Variants in MAGI1 observed in about 807,000 individuals in gnomAD.
MAGI1 encodes membrane-associated guanylate kinase, WW and PDZ domain-containing protein 1.
In MAGI1, 58 loss-of-function variants were observed where a neutral mutation model predicts 139.9. The observed-to-expected ratio is 0.41, with a 90% CI of 0.34 to 0.52. MAGI1 has a LOEUF of 0.52. Among genes scored for constraint, MAGI1 ranks in the 20% least tolerant of loss-of-function variants. The pLI is 0.12. For synonymous variants in MAGI1, 812 were observed against 737.9 expected, an observed-to-expected ratio of 1.10 and a Z score of -1.63; for missense variants, 1,874 against 1,901.6, an observed-to-expected ratio of 0.99 and a Z score of 0.27.
chr3:65,922,138 C>A (rs1177788554), intron 1 of MAGI1, among the ~76,000 whole-genome samples: 1 of 152,042 alleles, frequency 6.6e-6, no homozygotes, highest in East Asian at 1.9e-4. Context: ...TTCCCTTTTA[C>A]AGAAACAGAG....
At chr3:65,544,876 T>C (rs2079423487) in intron 2 of MAGI1, among the ~76,000 whole-genome samples, 2 of 152,198 alleles carry the variant, frequency 1.3e-5, no homozygotes, top group South Asian at 2.1e-4. Context: ...TGGGGTTATT[T>C]TGTAGATTAA....
chr3:65,932,216 C>T (rs2062836242), intron 1 of MAGI1, among the ~76,000 whole-genome samples: 1 of 152,090 alleles, frequency 6.6e-6, no homozygotes, highest in African/African-American at 2.4e-5. Context: ...CTCTCCCAAC[C>T]AACATAAAAT....
chr3:65,481,248 T>C (rs1400809900), intron 3 of MAGI1, among the ~76,000 whole-genome samples: 2 of 152,162 alleles, frequency 1.3e-5, no homozygotes, highest in African/African-American at 2.4e-5. Context: ...ATTCCACATG[T>C]GTCTTTAGGG....
chr3:65,442,414 G>A lies in MAGI1; in HGVS notation c.1136+378C>T, dbSNP rs534867053. ...TCAGATCTGGGTAGAGCAAAAAGTAGACGAATCAGATACTCCTTGTAAAGA... is the reference window on the plus strand; with the variant it reads ...TCAGATCTGGGTAGAGCAAAAAGTAAACGAATCAGATACTCCTTGTAAAGA... On this transcript the variant is annotated intron_variant, in intron 8 of 22. Transcript: ENST00000402939. Among the ~76,000 whole-genome samples, 10 of 152,202 alleles carry A rather than the reference G, an allele frequency of 6.6e-5. No homozygotes were observed. In the South Asian group the frequency reaches 2.1e-3, roughly 32 times the overall value.
chr3:65,796,320 G>A (rs1173082566), intron 1 of MAGI1, among the ~76,000 whole-genome samples: 2 of 152,174 alleles, frequency 1.3e-5, no homozygotes, highest in Non-Finnish European at 2.9e-5. Flanking sequence ...AGGGTAATCT[G>A]CTTTGCTCTG....
intron 2 of MAGI1, among the ~76,000 whole-genome samples, chr3:65,495,931 A>C (rs1468743482): frequency 6.6e-6 from 1 of 152,216 alleles, no homozygotes; most frequent in East Asian, 1.9e-4. Flanking sequence ...AAACGAAAGC[A>C]AGCGGCAAGA....
At chr3:65,931,843 T>C (rs2106736869) in intron 1 of MAGI1, among the ~76,000 whole-genome samples, 1 of 150,380 alleles carries the variant, frequency 6.6e-6, no homozygotes, top group African/African-American at 2.5e-5. Flanking sequence ...TGAAAATCAC[T>C]ACCTATATTT....
intron 22 of MAGI1, among the ~76,000 whole-genome samples, chr3:65,357,837 T>C (rs532006744): frequency 6.6e-6 from 1 of 152,240 alleles, no homozygotes; most frequent in South Asian, 2.1e-4. Context: ...GACTGGCAAA[T>C]GGGATATGTA....
chr3:65,502,535 T>C (rs758602152), intron 2 of MAGI1, among the ~76,000 whole-genome samples: 5 of 152,290 alleles, frequency 3.3e-5, no homozygotes, highest in South Asian at 2.1e-4. Context: ...AGTGGGAGGA[T>C]TGCTTGAACC....
At chr3:65,771,314 C>CAA (rs59932981) in intron 1 of MAGI1, among the ~76,000 whole-genome samples, 13 of 141,236 alleles carry the variant, frequency 9.2e-5, no homozygotes, top group African/African-American at 3.4e-4. Flanking sequence ...CTCAATGTCT[C>CAA]AAAAAAAAAA....
At chr3:66,012,039 C>T (rs1475640830) in intron 1 of MAGI1, among the ~76,000 whole-genome samples, 1 of 152,056 alleles carries the variant, frequency 6.6e-6, no homozygotes, top group Non-Finnish European at 1.5e-5. Context: ...CCCTACATCA[C>T]ACAACCTTGT....
intron 1 of MAGI1, among the ~76,000 whole-genome samples, chr3:65,861,837 G>C (rs2059566365): frequency 6.6e-6 from 1 of 152,146 alleles, no homozygotes; most frequent in African/African-American, 2.4e-5. Context: ...AACCAACACA[G>C]AGCAGCCAAC....
intron 8 of MAGI1, among the ~76,000 whole-genome samples, chr3:65,440,328 T>C (rs6808339): frequency 0.68 from 103,506 of 151,646 alleles, 35,913 homozygotes; most frequent in East Asian, 0.95. Context: ...AGTTAAATAC[T>C]TCATCTAGCA....
intron 1 of MAGI1, among the ~76,000 whole-genome samples, chr3:65,790,714 C>A (rs2108065248): frequency 6.6e-6 from 1 of 152,330 alleles, no homozygotes; most frequent in Non-Finnish European, 1.5e-5. Context: ...TTTCAGCTAA[C>A]AACCTCAGCC....
chr3:65,664,390 T>C (rs533596330), intron 1 of MAGI1, among the ~76,000 whole-genome samples: 2 of 152,304 alleles, frequency 1.3e-5, no homozygotes, highest in South Asian at 4.1e-4. Flanking sequence ...ATGTATAAGC[T>C]ATTGTTCTCA....
At position 65,819,875 on chromosome 3, in the gene MAGI1, C is replaced by CAAAAAAAAAAAA. The variant is rs3077818; in HGVS notation, c.314-197799_314-197788dup. Among the ~76,000 whole-genome samples, 45 of 33,468 alleles carry CAAAAAAAAAAAA rather than the reference C, an allele frequency of 1.3e-3. 2 individuals are homozygous for CAAAAAAAAAAAA. The highest frequency in any genetic ancestry group is 2.9e-3 in the African/African-American group (34 of 11,836). The allele number at this position is 33,468 out of a possible 152,430, so 22.0% of individuals were successfully genotyped here. A position where few individuals can be genotyped will look rare whatever the true frequency, so the allele number is the denominator to read the frequency against. Reference sequence around the variant, plus strand: ...CTAGCCACAGAGCAAGACTCCATCTCAAAAAAAAAAAAAAAAAAAAAAGGA... The same window carrying CAAAAAAAAAAAA: ...CTAGCCACAGAGCAAGACTCCATCTCAAAAAAAAAAAAAAAAAAAAAAAAAAAAAAAAAAGGA... On this transcript the variant is annotated intron_variant, in intron 1 of 22. Transcript: ENST00000402939.
Position 65,368,339 on chromosome 3 carries a change from T to C in MAGI1, c.3197-3393A>G, listed in dbSNP as rs1295384066. On this transcript the variant is annotated intron_variant, in intron 18 of 22. Transcript: ENST00000402939. ...AACATCCTTTATTAAACAGTGTTTA[T>C]ACCTACTTTAGCTCTCCCAGAGGAG... Among the ~76,000 whole-genome samples, 6 of 152,248 alleles carry C rather than the reference T, an allele frequency of 3.9e-5. No homozygotes were observed. The East Asian group carries it at 1.2e-3, about 29-fold the overall frequency.
At chr3:65,788,121 G>A (rs1179222908) in intron 1 of MAGI1, among the ~76,000 whole-genome samples, 3 of 152,154 alleles carry the variant, frequency 2.0e-5, no homozygotes, top group South Asian at 4.1e-4. Flanking sequence ...AAACTCAACT[G>A]TGCCCAAGTA....
intron 3 of MAGI1, among the ~76,000 whole-genome samples, chr3:65,493,032 C>G (rs561870047): frequency 7.4e-5 from 11 of 148,386 alleles, no homozygotes; most frequent in Middle Eastern, 3.3e-3. Context: ...GAGCCAAGAT[C>G]GCGCCACTGC....
Sources: allele counts gnomAD v4.1 joint callset (sites outside exome capture counted in the v4.1 genomes callset), GRCh38; gene constraint gnomAD v4.1.1; transcripts MANE v1.5; gene names NCBI Gene and HGNC (gene_info 2026-07-23, HGNC 2026-07-21).